The following KIAA0825 variants were observed in gnomAD, a reference collection of about 807,000 sequenced individuals.
KIAA0825 encodes the protein KIAA0825.
A neutral mutation model predicts 147.6 loss-of-function variants in KIAA0825; 119 were observed. The ratio of observed to expected loss-of-function variants is 0.81; its 90% CI spans 0.69 to 0.94. The LOEUF (loss-of-function observed/expected upper bound fraction) is 0.94. Ranked by LOEUF, KIAA0825 falls within the 40% of genes least tolerant of loss-of-function variation. KIAA0825 has a pLI of 0.00. For synonymous variants in KIAA0825, 470 were observed against 518.1 expected (o/e 0.91, Z 1.26); for missense variants, 1,381 against 1,472.7 (o/e 0.94, Z 1.02).
chr5:94,402,085 G>T (rs566015606), intron 16 of KIAA0825, among the ~76,000 whole-genome samples: 1 of 152,188 alleles, frequency 6.6e-6, no homozygotes, highest in South Asian at 2.1e-4. Flanking sequence ...ATATTCATGG[G>T]ATCTGACATT....
intron 20 of KIAA0825, among the ~76,000 whole-genome samples, chr5:94,359,708 C>T (rs892176769): frequency 4.6e-5 from 7 of 152,188 alleles, no homozygotes; most frequent in Admixed American, 2.0e-4. Context: ...TCAGTAAGTC[C>T]CTCAAAACAA....
intron 20 of KIAA0825, among the ~76,000 whole-genome samples, chr5:94,166,444 T>C (rs1010207667): frequency 1.1e-4 from 17 of 151,988 alleles, no homozygotes; most frequent in African/African-American, 4.1e-4. Context: ...ATTTCTTCCT[T>C]GCCTCATGAA....
chr5:94,352,669 CA>C (rs1348727314), intron 20 of KIAA0825, among the ~76,000 whole-genome samples: 1 of 152,182 alleles, frequency 6.6e-6, no homozygotes, highest in Non-Finnish European at 1.5e-5. Flanking sequence ...GGAGCCAACC[CA>C]AATGCCCATC....
intron 1 of KIAA0825, among the ~76,000 whole-genome samples, chr5:94,584,259 T>C (rs999440513): frequency 6.6e-6 from 1 of 152,168 alleles, no homozygotes; most frequent in Non-Finnish European, 1.5e-5. Flanking sequence ...AGGAGCATGT[T>C]CTAACCCATC....
intron 3 of KIAA0825, among the ~76,000 whole-genome samples, chr5:94,531,198 G>A (rs1770723252): frequency 6.6e-6 from 1 of 152,108 alleles, no homozygotes; most frequent in Admixed American, 6.6e-5. Context: ...ATCCAACAGA[G>A]CTACTGACTC....
chr5:94,309,018 C>T (rs1778931363), intron 20 of KIAA0825, among the ~76,000 whole-genome samples: 1 of 151,828 alleles, frequency 6.6e-6, no homozygotes, highest in South Asian at 2.1e-4. Context: ...AATTCTCTCT[C>T]AATCACTGTC....
chr5:94,343,584 G>A (rs1782667538), intron 20 of KIAA0825, among the ~76,000 whole-genome samples: 1 of 152,162 alleles, frequency 6.6e-6, no homozygotes, highest in Non-Finnish European at 1.5e-5. Context: ...AGCTACTGGG[G>A]AGGCTGAGGC....
intron 3 of KIAA0825, among the ~76,000 whole-genome samples, chr5:94,526,142 A>T (rs1769235238): frequency 6.6e-6 from 1 of 152,036 alleles, no homozygotes; most frequent in South Asian, 2.1e-4. Flanking sequence ...AATTTATGAT[A>T]AATGTCAGTT....
intron 20 of KIAA0825, among the ~76,000 whole-genome samples, chr5:94,327,692 A>T (rs1483802867): frequency 7.9e-5 from 12 of 152,130 alleles, no homozygotes; most frequent in Admixed American, 7.9e-4. Flanking sequence ...TAATACTTTC[A>T]AGAGGGTTTT....
chr5:94,404,515 A>AC (rs1219306994), intron 15 of KIAA0825, among the ~76,000 whole-genome samples: 1 of 151,852 alleles, frequency 6.6e-6, no homozygotes, highest in Admixed American at 6.6e-5. Flanking sequence ...TTAGAATCTT[A>AC]CCAAGAGTTT....
intron 12 of KIAA0825, among the ~76,000 whole-genome samples, chr5:94,460,023 TTGAATTGAAAC>T (rs1253854128): frequency 6.6e-6 from 1 of 152,104 alleles, no homozygotes; most frequent in Non-Finnish European, 1.5e-5. Context: ...GCAACATTTG[TTGAATTGAAAC>T]TGAATTGCAT....
At chr5:94,175,397 C>T (rs1174866756) in intron 20 of KIAA0825, among the ~76,000 whole-genome samples, 1 of 152,140 alleles carries the variant, frequency 6.6e-6, no homozygotes, top group African/African-American at 2.4e-5. Context: ...AGTGAGTGCA[C>T]CACAGTTATT....
At chr5:94,483,777 T>C (rs899339578) in intron 6 of KIAA0825, among the ~76,000 whole-genome samples, 3 of 151,826 alleles carry the variant, frequency 2.0e-5, no homozygotes, top group African/African-American at 7.2e-5. Context: ...CCTATAACTT[T>C]TGTGACATTA....
rs1317180538 is a variant in KIAA0825, at chr5:94,484,758, G to A, written c.1132+11C>T. On this transcript the variant is annotated intron_variant, in intron 6 of 20. Coordinates refer to ENST00000682413, the MANE Select transcript of KIAA0825 (RefSeq NM_001145678.3). ...TATAGATTTACAAATTTAAACAAAA[G>A]AGGATATTACCTGAAGTATCCCTGG... 1.4e-6 allele frequency: 2 copies of A among 1,436,580 alleles called. No individual in the cohort carries two copies. Among genetic ancestry groups the A allele is most frequent in the Non-Finnish European group, 1.9e-6 (2 of 1,076,046 alleles). 89.0% of individuals were successfully genotyped at this position (1,436,580 alleles called of 1,614,324 possible).
intron 20 of KIAA0825, among the ~76,000 whole-genome samples, chr5:94,199,693 T>A (rs1247520104): frequency 2.0e-5 from 3 of 152,102 alleles, no homozygotes; most frequent in African/African-American, 7.2e-5. Context: ...GTGGCAGCAC[T>A]CATGTGCTGG....
chr5:94,569,645 C>T, intron 2 of KIAA0825: 1 of 358,008 alleles, frequency 2.8e-6, no homozygotes. Context: ...CCTCGGCTCA[C>T]TTCTTGGCGC....
intron 4 of KIAA0825, 39 bp from the exon 5 acceptor site, chr5:94,520,956 A>G: frequency 7.1e-7 from 1 of 1,412,706 alleles, no homozygotes; most frequent in Non-Finnish European, 9.5e-7. Flanking sequence ...ATTAAGTGCA[A>G]TAGAAAAAAT....
chr5:94,292,487 T>C (rs1223460603), intron 20 of KIAA0825, among the ~76,000 whole-genome samples: 1 of 152,174 alleles, frequency 6.6e-6, no homozygotes, highest in Non-Finnish European at 1.5e-5. Context: ...AGCTTTTTGA[T>C]GTGCTGCTGG....
intron 20 of KIAA0825, among the ~76,000 whole-genome samples, chr5:94,232,539 T>A (rs1377994692): frequency 6.8e-6 from 1 of 146,922 alleles, no homozygotes; most frequent in Non-Finnish European, 1.5e-5. Flanking sequence ...TTACTTTTTT[T>A]ATGGAGGGAT....
Sources: allele counts gnomAD v4.1 joint callset (sites outside exome capture counted in the v4.1 genomes callset), GRCh38; gene constraint gnomAD v4.1.1; transcripts MANE v1.5; gene names NCBI Gene and HGNC (gene_info 2026-07-23, HGNC 2026-07-21).